POLR1A: variants seen among roughly 807,000 people sequenced by gnomAD.
POLR1A encodes the protein RNA polymerase I subunit A.
Under a neutral mutation model 205.3 loss-of-function variants are expected in POLR1A, and 84 were observed. The ratio of observed to expected loss-of-function variants is 0.41; its 90% CI spans 0.34 to 0.49. The LOEUF is 0.49. POLR1A is among the 20% of genes least tolerant of loss of function. The pLI is 0.22. For missense variants in POLR1A, 1,645 were observed against 2,204.5 expected, an observed-to-expected ratio of 0.75 and a Z score of 5.08; for synonymous variants, 799 against 863.7, an observed-to-expected ratio of 0.93 and a Z score of 1.31.
intron 19 of POLR1A, 84 bp downstream of exon 19, chr2:86,047,081 G>C (rs946617890): frequency 2.3e-6 from 2 of 856,470 alleles, no homozygotes; most frequent in Non-Finnish European, 3.9e-6. Flanking sequence ...ATGTTTTATA[G>C]GGAACAAACT....
At position 86,070,245 on chromosome 2, in the gene POLR1A, T is replaced by C. The variant is rs746583241; in HGVS notation, c.1639A>G (p.Ile547Val). 2.0e-5 allele frequency: 33 copies of C among 1,612,634 alleles called. No individual in the cohort carries two copies. Among genetic ancestry groups the C allele is most frequent in the Non-Finnish European group, 2.6e-5 (31 of 1,178,852 alleles). The change falls in exon 13 of 34, where the codon ATT becomes GTT. Residue 547 changes from isoleucine (I) to valine (V), a missense_variant. Ile to Val is a conservative substitution (Grantham distance 29). Around this residue, in one of 16 missense-constraint regions of POLR1A, gnomAD observed 131 missense variants for 214.5 expected, o/e 0.61. Transcript: ENST00000263857. The surrounding 1 kb of genome is among the most constrained non-coding windows in gnomAD (Gnocchi z 4.4). ...GTGGGCTGTCGGTTCAGTAGCAGAA[T>C]GTCCCCATTCTTCACATGCCGGCAC... ...IVCRHVKNGD[I>V]LLLNRQPTLH...
intron 33 of POLR1A, 37 bp downstream of exon 33, chr2:86,027,848 G>A (rs898484684): frequency 6.2e-6 from 10 of 1,611,338 alleles, no homozygotes; most frequent in South Asian, 1.1e-5. Flanking sequence ...AGAGTCGTCA[G>A]TAGAGGGGAG....
chr2:86,029,827 C>T (rs1241261142), intron 31 of POLR1A, among the ~76,000 whole-genome samples: 1 of 151,922 alleles, frequency 6.6e-6, no homozygotes, highest in African/African-American at 2.4e-5. Context: ...GTCTTGATCT[C>T]CTGACCTCGT....
At chr2:86,090,530 A>C (rs921987014) in intron 3 of POLR1A, among the ~76,000 whole-genome samples, 6 of 152,226 alleles carry the variant, frequency 3.9e-5, no homozygotes, top group African/African-American at 1.2e-4. Flanking sequence ...AAGAGCCGAC[A>C]GGACAGTGAG....
chr2:86,037,498 G>A (rs1176049603), intron 27 of POLR1A, among the ~76,000 whole-genome samples: 1 of 152,264 alleles, frequency 6.6e-6, no homozygotes, highest in African/African-American at 2.4e-5. Flanking sequence ...TGTTGCCCAC[G>A]CCTGCCCCCG....
At chr2:86,035,505 C>T (rs887691021) in intron 27 of POLR1A, among the ~76,000 whole-genome samples, 2 of 152,158 alleles carry the variant, frequency 1.3e-5, no homozygotes, top group African/African-American at 2.4e-5. Flanking sequence ...TGGAATGAGG[C>T]GGAGTGGGGG....
At chr2:86,035,405 CCA>C (rs1181935683) in intron 27 of POLR1A, among the ~76,000 whole-genome samples, 1 of 152,188 alleles carries the variant, frequency 6.6e-6, no homozygotes, top group Non-Finnish European at 1.5e-5. Flanking sequence ...TCCTGACCTG[CCA>C]CAGACTGGAG....
At chr2:86,097,214 C>CATAAAAAAA (rs1673720213) in intron 3 of POLR1A, among the ~76,000 whole-genome samples, 1 of 39,690 alleles carries the variant, frequency 2.5e-5, no homozygotes, top group Non-Finnish European at 4.2e-5. Flanking sequence ...CCCCAAAAGA[C>CATAAAAAAA]AAAAAAAAAA....
chr2:86,041,410 G>C (rs887542080), intron 24 of POLR1A, among the ~76,000 whole-genome samples: 31 of 152,048 alleles, frequency 2.0e-4, no homozygotes, highest in African/African-American at 7.0e-4. Context: ...GTGTGTGTGT[G>C]TGTCTGTCCT....
intron 14 of POLR1A, among the ~76,000 whole-genome samples, chr2:86,061,661 T>C (rs1176573574): frequency 6.6e-6 from 1 of 152,192 alleles, no homozygotes; most frequent in Non-Finnish European, 1.5e-5. Flanking sequence ...GATAAATACA[T>C]GATGGCATAT....
Position 86,042,509 on chromosome 2 carries a change from C to A in POLR1A, c.3358-406G>T, listed in dbSNP as rs547441148. On this transcript the variant is annotated intron_variant, in intron 23 of 33. Transcript: ENST00000263857. ...GGCTCTTTCACACGCTCTGTGCCCT[C>A]AAGGCTGTCCCAAAGTGACTGCTTC... Among the ~76,000 whole-genome samples, 22 of 152,358 alleles carry A rather than the reference C, an allele frequency of 1.4e-4. No individual in the cohort carries two copies. The East Asian group carries it at 3.9e-3, about 27-fold the overall frequency.
At chr2:86,053,915 A>G (rs1189023986) in intron 15 of POLR1A, among the ~76,000 whole-genome samples, 1 of 152,210 alleles carries the variant, frequency 6.6e-6, no homozygotes, top group Admixed American at 6.5e-5. Context: ...TTGCAGGAGA[A>G]GCTTTCCTAA....
rs1673167437 is a variant in POLR1A, at chr2:86,070,964, T to G, written c.1612-692A>C. Among the ~76,000 whole-genome samples, 1 of 151,646 alleles carries G rather than the reference T, an allele frequency of 6.6e-6. No individual in the cohort carries two copies. The highest frequency in any genetic ancestry group is 6.6e-5 in the Admixed American group (1 of 15,252). ...AAAAAAAAAAGCACCCACACAAGGT[T>G]AGATGAGTATGTATGTTTGTGTAGC... On this transcript the variant is annotated intron_variant, in intron 12 of 33. Transcript: ENST00000263857. This position sits in a 1 kb window ranked among gnomAD's most constrained non-coding sequence, Gnocchi z 4.4.
chr2:86,099,937 C>T (rs759309635), intron 2 of POLR1A, 31 bp downstream of exon 2: 19 of 1,586,580 alleles, frequency 1.2e-5, no homozygotes, highest in East Asian at 4.5e-5. Context: ...ACCAGCAGCC[C>T]GGAGACCCAC....
chr2:86,083,388 A>T (rs78099921), intron 6 of POLR1A, among the ~76,000 whole-genome samples: 4 of 151,706 alleles, frequency 2.6e-5, no homozygotes, highest in East Asian at 3.9e-4. Flanking sequence ...AAAAAAAAAA[A>T]GCAAAGTAAA....
rs1488658233 is a variant in POLR1A, at chr2:86,026,120, C to G, written c.*1303G>C. 6.6e-6 allele frequency: 1 copy of G among 152,324 alleles called. No individual in the cohort carries two copies. The highest frequency in any genetic ancestry group is 2.4e-5 in the African/African-American group (1 of 41,444). The allele number at this position is 152,324 out of a possible 1,614,324, so 9.4% of individuals were successfully genotyped here. On this transcript the variant is annotated 3_prime_UTR_variant, in exon 34 of 34. Transcript: ENST00000263857. ...GCTTCTCCCCTCTGCTTCTCCTGGCCACAGGGCCAGCAGCTAGCTCTGGAA... is the reference window on the plus strand; with the variant it reads ...GCTTCTCCCCTCTGCTTCTCCTGGCGACAGGGCCAGCAGCTAGCTCTGGAA...
chr2:86,044,022 C>T, intron 22 of POLR1A, 117 bp downstream of exon 22: 1 of 915,500 alleles, frequency 1.1e-6, no homozygotes, highest in Non-Finnish European at 1.7e-6. Flanking sequence ...ACCCTTCCCA[C>T]TCTACTTTCC....
At chr2:86,038,638 T>C in intron 27 of POLR1A, 62 bp downstream of exon 27, 1 of 1,540,124 alleles carries the variant, frequency 6.5e-7, no homozygotes, top group African/African-American at 1.4e-5. Context: ...AGGTGCTTCC[T>C]GCCCCAGTTC....
At chr2:86,084,303 G>A (rs1673458869) in intron 6 of POLR1A, among the ~76,000 whole-genome samples, 1 of 151,482 alleles carries the variant, frequency 6.6e-6, no homozygotes, top group South Asian at 2.1e-4. Flanking sequence ...TGTAATCCCA[G>A]CTACTAGGGA....
Sources: allele counts gnomAD v4.1 joint callset (sites outside exome capture counted in the v4.1 genomes callset), GRCh38; gene constraint gnomAD v4.1.1; regional missense constraint gnomAD v4.1.1; non-coding constraint Gnocchi (gnomAD v3.1); transcripts MANE v1.5; gene names NCBI Gene and HGNC (gene_info 2026-07-23, HGNC 2026-07-21).